MYCBP2: variants seen among roughly 807,000 people sequenced by gnomAD.
MYCBP2 encodes E3 ubiquitin-protein ligase MYCBP2.
Under a neutral mutation model 525.3 loss-of-function variants are expected in MYCBP2, and 120 were observed. The ratio of observed to expected loss-of-function variants is 0.23; its 90% CI spans 0.20 to 0.27. The LOEUF (loss-of-function observed/expected upper bound fraction) is 0.27. MYCBP2 is among the 10% of genes least tolerant of loss of function. MYCBP2 has a pLI of 1.00. For missense variants in MYCBP2, 4,149 were observed against 5,657.1 expected (o/e 0.73, Z 8.55); for synonymous variants, 1,894 against 1,955.8 (o/e 0.97, Z 0.83).
intron 18 of MYCBP2, among the ~76,000 whole-genome samples, chr13:77,230,867 C>T (rs2067029604): frequency 6.6e-6 from 1 of 152,198 alleles, no homozygotes; most frequent in Admixed American, 6.5e-5. Context: ...TGTGGAATTT[C>T]CCACTTGGGG....
At chr13:77,243,438 C>G (rs549260747) in intron 16 of MYCBP2, among the ~76,000 whole-genome samples, 1 of 152,094 alleles carries the variant, frequency 6.6e-6, no homozygotes, top group Admixed American at 6.6e-5. Context: ...CATGGTGAAA[C>G]CCCGTCTCTA....
intron 76 of MYCBP2, 133 bp downstream of exon 76, chr13:77,061,036 A>T: frequency 9.8e-7 from 1 of 1,023,256 alleles, no homozygotes; most frequent in African/African-American, 1.7e-5. Flanking sequence ...TATATTTAGT[A>T]AATATATAGA....
rs369109891 is a variant in MYCBP2, at chr13:77,088,965, G to C, written c.10592C>G (p.Ser3531Cys). 2.5e-5 allele frequency: 40 copies of C among 1,613,420 alleles called. No individual in the cohort carries two copies. The Admixed American group carries it at 2.5e-4, about 10-fold the overall frequency. ...ELSRLISAHS[S>C]LSKGERNFQW... ...GAAATTTCGTTCTCCTTTAGAAAGA[G>C]AGCTGTGGGCTGAGATTAGCCGAGA... is the stretch of plus-strand genomic sequence containing the variant. The change falls in exon 61 of 83, where the codon TCT becomes TGT. Residue 3531 changes from serine (S) to cysteine (C), a missense_variant. By Grantham distance (112) the Ser-to-Cys change is moderately radical (BLOSUM62 -1). This residue lies in a region of MYCBP2 where 509 missense variants were observed against 789.4 expected (regional missense o/e 0.64). Coordinates refer to ENST00000544440, the MANE Select transcript of MYCBP2 (RefSeq NM_015057.5).
At chr13:77,286,617 G>A (rs1197649421) in intron 3 of MYCBP2, among the ~76,000 whole-genome samples, 9 of 148,356 alleles carry the variant, frequency 6.1e-5, no homozygotes, top group Non-Finnish European at 1.2e-4. Context: ...TTAGCCGGGC[G>A]CGGTGGCAGG....
chr13:77,060,879 C>A (rs2039164239), intron 76 of MYCBP2, among the ~76,000 whole-genome samples: 2 of 152,058 alleles, frequency 1.3e-5, no homozygotes, highest in African/African-American at 2.4e-5. Context: ...ATCTATGGAG[C>A]CCCATTAGTT....
intron 27 of MYCBP2, among the ~76,000 whole-genome samples, chr13:77,192,548 C>T (rs1277198673): frequency 6.6e-6 from 1 of 151,916 alleles, no homozygotes; most frequent in Non-Finnish European, 1.5e-5. Flanking sequence ...GAATAAAGGG[C>T]ATTTAAAGAA....
chr13:77,099,280 C>T, intron 55 of MYCBP2: 2 of 438,626 alleles, frequency 4.6e-6, no homozygotes, highest in Admixed American at 4.1e-5. Context: ...TCAGTGATAT[C>T]TCAACCTCTG....
chr13:77,132,588 CTA>C (rs1407787187), intron 52 of MYCBP2, among the ~76,000 whole-genome samples: 2 of 152,040 alleles, frequency 1.3e-5, no homozygotes, highest in Non-Finnish European at 2.9e-5. Flanking sequence ...TATATGGGAA[CTA>C]TAAAGATACC....
At position 77,217,944 on chromosome 13, in the gene MYCBP2, G is replaced by C. The variant is rs562684174; in HGVS notation, c.2953C>G (p.Leu985Val). 6.3e-7 allele frequency: 1 copy of C among 1,599,128 alleles called. No individual in the cohort carries two copies. Among genetic ancestry groups the C allele is most frequent in the South Asian group, 1.1e-5 (1 of 88,246 alleles). ...GDVNSRGCPT[L>V]VQALPGPSTQ... is the part of the protein sequence containing the mutation. Reference sequence around the variant, plus strand: ...CTAGGGCCTGGCAATGCTTGAACAAGAGTGGGACATCCCCTAGGTTAAAAA... The same window carrying C: ...CTAGGGCCTGGCAATGCTTGAACAACAGTGGGACATCCCCTAGGTTAAAAA... Residue 985 changes from leucine to valine, a missense_variant, in exon 21 of 83, where the codon CTT becomes GTT. Transcript: ENST00000544440.
chr13:77,258,619 T>C (rs2072669175), intron 13 of MYCBP2, among the ~76,000 whole-genome samples: 1 of 152,212 alleles, frequency 6.6e-6, no homozygotes, highest in Admixed American at 6.5e-5. Flanking sequence ...TGGCCTTCAC[T>C]TTCACCTTTC....
Position 77,150,757 on chromosome 13 carries a change from A to G in MYCBP2, c.7108T>C (p.Tyr2370His), listed in dbSNP as rs989337090. The G allele has an allele frequency of 6.2e-7, 1 of 1,614,116 alleles. No homozygotes were observed. Among genetic ancestry groups the G allele is most frequent in the Non-Finnish European group, 8.5e-7 (1 of 1,179,982 alleles). The change falls in exon 47 of 83, where the codon TAT becomes CAT. Residue 2370 changes from tyrosine to histidine, a missense_variant. Transcript: ENST00000544440. ...YEPMIVKEAR[Y>H]IAITMMKVYE... ...ACCTTCATCATTGTTATGGCAATAT[A>G]TCGAGCTTCCTTCACTATCATTGGT...
intron 23 of MYCBP2, among the ~76,000 whole-genome samples, 186 bp from the exon 24 acceptor site, chr13:77,207,011 A>C (rs2154277216): frequency 6.6e-6 from 1 of 152,360 alleles, no homozygotes; most frequent in South Asian, 2.1e-4. Context: ...AAGTGAAATA[A>C]TTTGAAAATA....
chr13:77,320,597 T>A (rs540914570), intron 1 of MYCBP2, among the ~76,000 whole-genome samples: 5 of 152,028 alleles, frequency 3.3e-5, no homozygotes, highest in Non-Finnish European at 7.4e-5. Flanking sequence ...GTGCTCAAAT[T>A]TTTACCCTGT....
intron 55 of MYCBP2, among the ~76,000 whole-genome samples, chr13:77,111,311 T>C (rs1340334195): frequency 6.6e-6 from 1 of 152,176 alleles, no homozygotes; most frequent in Non-Finnish European, 1.5e-5. Context: ...ACCGAACTCA[T>C]TTTTCCTTAA....
intron 20 of MYCBP2, 152 bp downstream of exon 20, chr13:77,224,299 A>G: frequency 1.7e-6 from 1 of 605,066 alleles, no homozygotes. Flanking sequence ...GAAACCACCA[A>G]TAATTCATGG....
At chr13:77,158,975 T>C (rs2057549386) in intron 44 of MYCBP2, among the ~76,000 whole-genome samples, 2 of 152,262 alleles carry the variant, frequency 1.3e-5, no homozygotes, top group East Asian at 1.9e-4. Context: ...CTTATGTTTT[T>C]GGAGAGACTT....
chr13:77,286,927 C>G (rs181009697), intron 3 of MYCBP2, among the ~76,000 whole-genome samples: 2 of 146,110 alleles, frequency 1.4e-5, no homozygotes, highest in Middle Eastern at 3.5e-3. Context: ...CTCTGTTGTC[C>G]AGGCTGGAGT....
chr13:77,161,867 A>C, intron 44 of MYCBP2, 39 bp downstream of exon 44: 1 of 1,507,690 alleles, frequency 6.6e-7, no homozygotes, highest in Non-Finnish European at 9.1e-7. Context: ...TTTTTAAATT[A>C]ATGTACAAAG....
intron 45 of MYCBP2, among the ~76,000 whole-genome samples, chr13:77,157,701 G>C (rs1216781104): frequency 6.6e-6 from 1 of 151,918 alleles, no homozygotes. Context: ...AGTGAGCTGA[G>C]ATCATGCCAC....
Sources: gnomAD v4.1 joint callset for allele counts (sites outside exome capture counted in the v4.1 genomes callset) on GRCh38, gnomAD v4.1.1 for gene constraint, gnomAD v4.1.1 regional missense constraint, MANE v1.5 for transcripts, NCBI Gene and HGNC (gene_info 2026-07-23, HGNC 2026-07-21) for gene names.